The following CARMIL2 variants were observed in gnomAD, a reference collection of about 807,000 sequenced individuals.
CARMIL2 encodes capping protein, Arp2/3 and myosin-I linker protein 2.
CARMIL2 carries 96 observed loss-of-function variants against 173.3 expected under a neutral mutation model. That is an observed-to-expected ratio of 0.55 (90% CI 0.47 to 0.66). The LOEUF is 0.66. Among genes scored for constraint, CARMIL2 ranks in the 30% least tolerant of loss-of-function variants. CARMIL2 has a pLI of 0.00. For missense variants in CARMIL2, 1,771 were observed against 1,906.7 expected (o/e 0.93, Z 1.33); for synonymous variants, 830 against 817.1 (o/e 1.02, Z -0.27).
chr16:67,656,934 G>C, intron 36 of CARMIL2, 53 bp downstream of exon 36: 1 of 1,369,680 alleles, frequency 7.3e-7, no homozygotes, highest in Non-Finnish European at 1.0e-6. Flanking sequence ...TGGGAGGGTG[G>C]GCTTCTGGGG....
At position 67,653,096 on chromosome 16, in the gene CARMIL2, G is replaced by A. The variant is rs1307121933; in HGVS notation, c.2962G>A (p.Ala988Thr). Residue 988 changes from alanine (A) to threonine (T), a missense_variant, in exon 29 of 38, where the codon GCG (alanine) becomes ACG (threonine). Ala to Thr is a moderately conservative substitution (Grantham distance 58, BLOSUM62 0). This residue lies in a region of CARMIL2 where 817 missense variants were observed against 903.5 expected (regional missense o/e 0.90). Coordinates refer to ENST00000334583, the MANE Select transcript of CARMIL2 (RefSeq NM_001013838.3). The surrounding 1 kb of genome is among the most constrained non-coding windows in gnomAD (Gnocchi z 7.4). ...TGCAGAGCCGCAGGCGGGGCCGTCC[G>A]CGCGCGGCTCTCCGAGCCCTGCCGC... ...EDAEPQAGPSARGSPSPAAPG... is the reference protein window; with the variant it reads ...EDAEPQAGPSTRGSPSPAAPG... 1.7e-6 allele frequency: 2 copies of A among 1,186,076 alleles called. No homozygotes were observed. Among genetic ancestry groups the A allele is most frequent in the Non-Finnish European group, 2.1e-6 (2 of 952,466 alleles). The allele number at this position is 1,186,076 out of a possible 1,614,324, so 73.5% of individuals were successfully genotyped here. A position where few individuals can be genotyped will look rare whatever the true frequency, so the allele number is the denominator to read the frequency against.
rs201239902 is a variant in CARMIL2 at position 67,648,907 on chromosome 16, C to A, written c.1524C>A (p.Gly508=). 2 of 1,606,768 alleles carry A rather than the reference C, an allele frequency of 1.2e-6. No individual in the cohort carries two copies. Among genetic ancestry groups the A allele is most frequent in the Admixed American group, 3.4e-5 (2 of 59,104 alleles). ...CCCACATACAGCTGCGCTCGGCCGG[C>A]GCCCAGGTGATACAAGACTTAGTGT... ...DLSACELRSA[G]AQVIQDLVCD... The change falls in exon 17 of 38, where the codon GGC becomes GGA. Residue 508 remains glycine, a synonymous_variant. Coordinates refer to ENST00000334583, the MANE Select transcript of CARMIL2 (RefSeq NM_001013838.3). The surrounding 1 kb of genome is among the most constrained non-coding windows in gnomAD (Gnocchi z 6.1).
chr16:67,647,069 TG>T, intron 8 of CARMIL2, 46 bp from the exon 9 acceptor site: 1 of 1,610,924 alleles, frequency 6.2e-7, no homozygotes, highest in Non-Finnish European at 8.5e-7. Context: ...GCCTGGGACC[TG>T]GCTGGAGGGC....
chr16:67,645,601 C>G lies in CARMIL2; in HGVS notation c.102C>G (p.Pro34=), dbSNP rs572633840. 6.8e-6 allele frequency: 11 copies of G among 1,613,382 alleles called. No homozygotes were observed. The highest frequency in any genetic ancestry group is 5.5e-5 in the South Asian group (5 of 91,050). Residue 34 remains proline, a synonymous_variant, in exon 2 of 38, where the codon CCC becomes CCG. Transcript: ENST00000334583. ...EVELLLKTWL[P]GEGAVQNHVL... is the part of the protein sequence containing the mutation. Reference sequence around the variant, plus strand: ...AGCTGCTGCTGAAAACCTGGCTACCCGGGGAGGGTGCTGTGCAAAACCATG... The same window carrying G: ...AGCTGCTGCTGAAAACCTGGCTACCGGGGGAGGGTGCTGTGCAAAACCATG...
rs2052613123 is a variant in CARMIL2, at chr16:67,647,333, TGA to T, written c.724_725del (p.Gln243ValfsTer46). 1.3e-6 allele frequency: 2 copies of T among 1,592,438 alleles called. No individual in the cohort carries two copies. The highest frequency in any genetic ancestry group is 1.7e-6 in the Non-Finnish European group (2 of 1,169,330). On this transcript the variant is annotated frameshift_variant, in exon 10 of 38. Transcript: ENST00000334583. LOFTEE classifies it high-confidence loss of function. ...GTCTCAGAACAGATTCTGCACATGA[TGA>T]GTCAGTCATCACACCTGGAGGAGCT...
chr16:67,653,188 T>C lies in CARMIL2; in HGVS notation c.3054T>C (p.His1018=), dbSNP rs1476242725. 2 of 1,119,656 alleles carry C rather than the reference T, an allele frequency of 1.8e-6. No homozygotes were observed. The highest frequency in any genetic ancestry group is 1.7e-5 in the African/African-American group (1 of 60,426). 69.4% of individuals were successfully genotyped at this position (1,119,656 alleles called of 1,614,324 possible). A position where few individuals can be genotyped will look rare whatever the true frequency, so the allele number is the denominator to read the frequency against. ...DLPLAGQPLR[H]PTRARPRPRR... ...CACTGGCGGGGCAGCCCCTGCGCCA[T>C]CCGACCCGGGCCCGGCCGCGGCCGC... Residue 1018 remains histidine, a synonymous_variant, in exon 29 of 38, where the codon CAT becomes CAC. Transcript: ENST00000334583. The surrounding 1 kb of genome is among the most constrained non-coding windows in gnomAD (Gnocchi z 7.4).
At position 67,648,986 on chromosome 16, in the gene CARMIL2, G is replaced by A. The variant is rs2052660746; in HGVS notation, c.1591+12G>A. 6.2e-7 allele frequency: 1 copy of A among 1,606,472 alleles called. No homozygotes were observed. The highest frequency in any genetic ancestry group is 8.5e-7 in the Non-Finnish European group (1 of 1,176,872). On this transcript the variant is annotated intron_variant, in intron 17 of 37. Coordinates refer to ENST00000334583, the MANE Select transcript of CARMIL2 (RefSeq NM_001013838.3). This position sits in a 1 kb window ranked among gnomAD's most constrained non-coding sequence, Gnocchi z 6.1. ...TCTGGCGGATAACGGTGAGGCTGCA[G>A]GAGAGCCCATCCTCGCATCATCCAC...
intron 29 of CARMIL2, 62 bp from the exon 30 acceptor site, chr16:67,654,087 G>GGC: frequency 1.8e-6 from 2 of 1,104,398 alleles, no homozygotes; most frequent in Admixed American, 2.3e-5. Flanking sequence ...GGCCGGGGGG[G>GGC]GGGGGGGGTA....
At position 67,648,935 on chromosome 16, in the gene CARMIL2, G is replaced by T; in HGVS notation, c.1552G>T (p.Asp518Tyr). Residue 518 changes from aspartate (D) to tyrosine (Y), a missense_variant, in exon 17 of 38, where the codon GAC (aspartate) becomes TAC (tyrosine). Around this residue, in one of 3 missense-constraint regions of CARMIL2, gnomAD observed 944 missense variants for 975.6 expected, o/e 0.97. Coordinates refer to ENST00000334583, the MANE Select transcript of CARMIL2 (RefSeq NM_001013838.3). The surrounding 1 kb of genome is among the most constrained non-coding windows in gnomAD (Gnocchi z 6.1). Reference sequence around the variant, plus strand: ...CCAGGTGATACAAGACTTAGTGTGCGACGCAGGCGCTGTGAGCTCCCTGGA... The same window carrying T: ...CCAGGTGATACAAGACTTAGTGTGCTACGCAGGCGCTGTGAGCTCCCTGGA... ...GAQVIQDLVC[D>Y]AGAVSSLDLA... is the part of the protein sequence containing the mutation. The T allele has an allele frequency of 6.2e-7, 1 of 1,609,568 alleles. No individual in the cohort carries two copies. The highest frequency in any genetic ancestry group is 1.1e-5 in the South Asian group (1 of 90,178).
Position 67,651,102 on chromosome 16 carries a change from CTG to C in CARMIL2, c.2185-83_2185-82del. 1 of 1,503,792 alleles carries C rather than the reference CTG, an allele frequency of 6.6e-7. No homozygotes were observed. Among genetic ancestry groups the C allele is most frequent in the Non-Finnish European group, 9.0e-7 (1 of 1,111,126 alleles). The allele number at this position is 1,503,792 out of a possible 1,614,324, so 93.2% of individuals were successfully genotyped here. On this transcript the variant is annotated intron_variant, in intron 22 of 37. Transcript: ENST00000334583. The surrounding 1 kb of genome is among the most constrained non-coding windows in gnomAD (Gnocchi z 4.2). Reference sequence around the variant, plus strand: ...AGGGTGTCAGCTTCAGGACCTCCCTCTGTTAAAGAGCCTGGGAGGAAGGCAGG... The same window carrying C: ...AGGGTGTCAGCTTCAGGACCTCCCTCTTAAAGAGCCTGGGAGGAAGGCAGG...
In CARMIL2 at chr16:67,653,264, C is replaced by G. The variant is rs1049005683; in HGVS notation, c.3120+10C>G. The G allele has an allele frequency of 1.4e-5, 16 of 1,125,846 alleles. No homozygotes were observed. In the Admixed American group the frequency reaches 6.3e-4, roughly 45 times the overall value. 69.7% of individuals were successfully genotyped at this position (1,125,846 alleles called of 1,614,324 possible). A position where few individuals can be genotyped will look rare whatever the true frequency, so the allele number is the denominator to read the frequency against. ...GCCGGGGGGCCCCCAGGTGAGCACC[C>G]TTCCCCCACTCCGGAGCGCGTGGAA... is the stretch of plus-strand genomic sequence containing the variant. On this transcript the variant is annotated intron_variant, in intron 29 of 37. Transcript: ENST00000334583. This position sits in a 1 kb window ranked among gnomAD's most constrained non-coding sequence, Gnocchi z 7.4.
chr16:67,650,442 A>T, intron 22 of CARMIL2: 1 of 486,754 alleles, frequency 2.1e-6, no homozygotes, highest in Non-Finnish European at 3.7e-6. Context: ...CTCTGTCCTC[A>T]CATATACGTG....
chr16:67,657,456 A>G lies in CARMIL2; in HGVS notation c.4246A>G (p.Ser1416Gly), dbSNP rs1234737192. 1.2e-6 allele frequency: 2 copies of G among 1,611,086 alleles called. No homozygotes were observed. The highest frequency in any genetic ancestry group is 1.7e-6 in the Non-Finnish European group (2 of 1,178,792). ...PLPPQPTEPS[S>G]PERSPPSPAT... The stretch of plus-strand genomic sequence containing the variant: ...GCCCCCACAGCCCACAGAGCCCTCC[A>G]GCCCTGAGCGGAGCCCACCCTCCCC... Residue 1416 changes from serine to glycine, a missense_variant, in exon 38 of 38, where the codon AGC becomes GGC. Ser to Gly is a moderately conservative substitution (Grantham distance 56). Coordinates refer to ENST00000334583, the MANE Select transcript of CARMIL2 (RefSeq NM_001013838.3). The surrounding 1 kb of genome is among the most constrained non-coding windows in gnomAD (Gnocchi z 4.5).
Position 67,651,957 on chromosome 16 carries a change from G to A in CARMIL2, c.2625G>A (p.Glu875=), listed in dbSNP as rs755823264. Residue 875 remains glutamate, a synonymous_variant, in exon 26 of 38, where the codon GAG becomes GAA. Transcript: ENST00000334583. The surrounding 1 kb of genome is among the most constrained non-coding windows in gnomAD (Gnocchi z 4.2). The stretch of plus-strand genomic sequence containing the variant: ...TATCAATCACGGGGACCTTGGCAGA[G>A]AGCATTGTGGCTCAGGCTTTGGCAG... ...MRLSITGTLA[E]SIVAQALAGL... The A allele has an allele frequency of 3.1e-6, 5 of 1,613,658 alleles. No homozygotes were observed. Among genetic ancestry groups the A allele is most frequent in the South Asian group, 2.2e-5 (2 of 91,086 alleles).
Position 67,645,604 on chromosome 16 carries a change from G to A in CARMIL2, c.105G>A (p.Gly35=), listed in dbSNP as rs778818852. The A allele has an allele frequency of 3.1e-5, 50 of 1,613,416 alleles. No homozygotes were observed. The highest frequency in any genetic ancestry group is 1.6e-5 in the Non-Finnish European group (19 of 1,179,816). The part of the protein sequence containing the change: ...VELLLKTWLP[G]EGAVQNHVLA... ...TGCTGCTGAAAACCTGGCTACCCGG[G>A]GAGGGTGCTGTGCAAAACCATGTCC... Residue 35 remains glycine (G), a synonymous_variant, in exon 2 of 38, where the codon GGG becomes GGA. Transcript: ENST00000334583.
rs1188046725 is a variant in CARMIL2 at position 67,646,587 on chromosome 16, G to A, written c.466+70G>A. 5.0e-6 allele frequency: 8 copies of A among 1,585,198 alleles called. No individual in the cohort carries two copies. The highest frequency in any genetic ancestry group is 6.0e-6 in the Non-Finnish European group (7 of 1,157,598). ...TCTGCCTCCCCAGACCCGCAAGCTG[G>A]GGGGGCCCCAAACTGAACAGAGCCA... On this transcript the variant is annotated intron_variant, in intron 6 of 37. Coordinates refer to ENST00000334583, the MANE Select transcript of CARMIL2 (RefSeq NM_001013838.3). The surrounding 1 kb of genome is among the most constrained non-coding windows in gnomAD (Gnocchi z 4.6).
Position 67,646,905 on chromosome 16 carries a change from G to A in CARMIL2, c.543G>A (p.Val181=). 1 of 1,613,770 alleles carries A rather than the reference G, an allele frequency of 6.2e-7. No homozygotes were observed. The highest frequency in any genetic ancestry group is 8.5e-7 in the Non-Finnish European group (1 of 1,179,882). ...AGCATCTCCTTCTCACCCAGGACGT[G>A]GACACCATTTACCATCGCCAGGGCT... ...FPFREEIQWD[V]DTIYHRQGCR... The change falls in exon 8 of 38, where the codon GTG becomes GTA. Residue 181 remains valine, a synonymous_variant. Transcript: ENST00000334583. The surrounding 1 kb of genome is among the most constrained non-coding windows in gnomAD (Gnocchi z 4.6).
chr16:67,652,418 T>C lies in CARMIL2; in HGVS notation c.2818-54T>C. 2 of 1,611,552 alleles carry C rather than the reference T, an allele frequency of 1.2e-6. No homozygotes were observed. Among genetic ancestry groups the C allele is most frequent in the Non-Finnish European group, 1.7e-6 (2 of 1,178,530 alleles). Reference sequence around the variant, plus strand: ...TGGAGTGTGGAAGGTGAAAGGCAGCTCTTTTGGGTTGGTGCTCTCCTACCC... The same window carrying C: ...TGGAGTGTGGAAGGTGAAAGGCAGCCCTTTTGGGTTGGTGCTCTCCTACCC... On this transcript the variant is annotated intron_variant, in intron 27 of 37. Transcript: ENST00000334583. The surrounding 1 kb of genome is among the most constrained non-coding windows in gnomAD (Gnocchi z 4.7).
At position 67,647,864 on chromosome 16, in the gene CARMIL2, G is replaced by A. The variant is rs779459264; in HGVS notation, c.977G>A (p.Arg326Gln). 13 of 1,609,878 alleles carry A rather than the reference G, an allele frequency of 8.1e-6. No individual in the cohort carries two copies. In the Admixed American group the frequency reaches 1.0e-4, roughly 12 times the overall value. The stretch of plus-strand genomic sequence containing the variant: ...CCACCAGGAATGAGGGCTCTGGGCC[G>A]GGCACTGGCCACCAATGCCGCCTTC... ...LTPRGMRALG[R>Q]ALATNAAFDS... Residue 326 changes from arginine (R) to glutamine (Q), a missense_variant, in exon 13 of 38, where the codon CGG (arginine) becomes CAG (glutamine). This residue lies in a region of CARMIL2 where 944 missense variants were observed against 975.6 expected (regional missense o/e 0.97). Coordinates refer to ENST00000334583, the MANE Select transcript of CARMIL2 (RefSeq NM_001013838.3).
Sources: gnomAD v4.1 joint callset for allele counts on GRCh38, gnomAD v4.1.1 for gene constraint, gnomAD v4.1.1 regional missense constraint, Gnocchi (gnomAD v3.1) non-coding constraint, MANE v1.5 for transcripts, NCBI Gene and HGNC (gene_info 2026-07-23, HGNC 2026-07-21) for gene names.